The following KCNH7 variants were observed in gnomAD, a reference collection of about 807,000 sequenced individuals.
KCNH7 encodes potassium voltage-gated channel subfamily H member 7.
Under a neutral mutation model 120.8 loss-of-function variants are expected in KCNH7, and 49 were observed. That is an observed-to-expected ratio of 0.41 (90% CI 0.32 to 0.51). The LOEUF (loss-of-function observed/expected upper bound fraction) is 0.51. KCNH7 is among the 20% of genes least tolerant of loss of function. The pLI, the probability that KCNH7 is intolerant of heterozygous loss-of-function variation, is 0.38. For missense variants in KCNH7, 1,097 were observed against 1,446.6 expected (o/e 0.76, Z 3.92); for synonymous variants, 547 against 516.1 (o/e 1.06, Z -0.81).
chr2:162,707,080 C>T (rs1686733159), intron 2 of KCNH7, among the ~76,000 whole-genome samples: 1 of 152,064 alleles, frequency 6.6e-6, no homozygotes, highest in Non-Finnish European at 1.5e-5. Flanking sequence ...AGAGATTTTA[C>T]ATTCAAAGAA....
intron 2 of KCNH7, among the ~76,000 whole-genome samples, chr2:162,578,508 A>T (rs766878241): frequency 6.6e-6 from 1 of 151,964 alleles, no homozygotes; most frequent in Non-Finnish European, 1.5e-5. Flanking sequence ...TCACTGTTCT[A>T]TGAAGGTCAG....
At chr2:162,508,342 C>G (rs1344994986) in intron 5 of KCNH7, among the ~76,000 whole-genome samples, 2 of 150,106 alleles carry the variant, frequency 1.3e-5, no homozygotes, top group Admixed American at 1.3e-4. Flanking sequence ...TTTTTTGGCT[C>G]TTAGTCTTAA....
intron 6 of KCNH7, among the ~76,000 whole-genome samples, chr2:162,489,422 A>G (rs925409037): frequency 1.3e-5 from 2 of 152,168 alleles, no homozygotes; most frequent in African/African-American, 4.8e-5. Context: ...AAAGTTTACA[A>G]ATTTGTCTGG....
chr2:162,377,606 T>A (rs559896217), intron 14 of KCNH7, among the ~76,000 whole-genome samples: 108 of 152,266 alleles, frequency 7.1e-4, no homozygotes, highest in African/African-American at 2.5e-3. Flanking sequence ...GTATGTTTTG[T>A]GTTAGGTTAC....
Position 162,386,578 on chromosome 2 carries a change from G to C in KCNH7, c.2711-1639C>G, listed in dbSNP as rs945248685. Among the ~76,000 whole-genome samples, 9 of 151,734 alleles carry C rather than the reference G, an allele frequency of 5.9e-5. No individual in the cohort carries two copies. The South Asian group carries it at 1.2e-3, about 21-fold the overall frequency. ...TTGGGAACCAGAGATATTTGAATCA[G>C]CTCAGGCCTCCTATTTTCTCGAAAA... is the stretch of plus-strand genomic sequence containing the variant. On this transcript the variant is annotated intron_variant, in intron 12 of 15. Transcript: ENST00000332142.
chr2:162,385,070 C>T, intron 12 of KCNH7, 131 bp from the exon 13 acceptor site: 1 of 616,382 alleles, frequency 1.6e-6, no homozygotes, highest in South Asian at 2.7e-5. Flanking sequence ...TACTTGGGTA[C>T]TCAATTTTTT....
chr2:162,722,809 T>TTTTC (rs1687366815), intron 2 of KCNH7, among the ~76,000 whole-genome samples: 1 of 142,502 alleles, frequency 7.0e-6, no homozygotes, highest in African/African-American at 2.8e-5. Flanking sequence ...TTCATTCTTT[T>TTTTC]TTTCTTTTTT....
intron 2 of KCNH7, among the ~76,000 whole-genome samples, chr2:162,798,601 A>G (rs573252302): frequency 7.9e-5 from 12 of 152,188 alleles, no homozygotes; most frequent in Middle Eastern, 6.8e-3. Context: ...TCAAATCAAT[A>G]TAGTCAGCAA....
intron 2 of KCNH7, among the ~76,000 whole-genome samples, chr2:162,714,423 T>C (rs1430987181): frequency 6.6e-6 from 1 of 152,166 alleles, no homozygotes; most frequent in Non-Finnish European, 1.5e-5. Context: ...AGGTATGTAT[T>C]AAGCTGACAA....
chr2:162,616,593 ACACT>A (rs1276236210), intron 2 of KCNH7, among the ~76,000 whole-genome samples: 2 of 152,168 alleles, frequency 1.3e-5, no homozygotes, highest in African/African-American at 4.8e-5. Context: ...CAACTGTCCT[ACACT>A]CTTTGTCCTT....
In KCNH7 at chr2:162,379,906, G is replaced by A. The variant is rs746398051; in HGVS notation, c.3078C>T (p.Leu1026=). ...ATCTTTGTTCCACTTCCCCGTAGGT[G>A]AGGTCGCTTTCGGTTTCAGAGATAC... The part of the protein sequence containing the change: ...AWGISETESD[L]TYGEVEQRLD... Residue 1026 remains leucine, a synonymous_variant, in exon 14 of 16, where the codon CTC becomes CTT. Transcript: ENST00000332142. The A allele has an allele frequency of 5.5e-5, 89 of 1,613,888 alleles. No homozygotes were observed. Among genetic ancestry groups the A allele is most frequent in the Non-Finnish European group, 7.3e-5 (86 of 1,179,938 alleles).
chr2:162,450,850 G>A (rs549508988), intron 6 of KCNH7, among the ~76,000 whole-genome samples: 1 of 151,984 alleles, frequency 6.6e-6, no homozygotes, highest in African/African-American at 2.4e-5. Context: ...ACTTTGGTAT[G>A]CCAGGAGGGA....
chr2:162,622,455 G>A (rs1354857740), intron 2 of KCNH7, among the ~76,000 whole-genome samples: 1 of 152,162 alleles, frequency 6.6e-6, no homozygotes, highest in East Asian at 1.9e-4. Context: ...GGTCCTTCAA[G>A]GCTGGCAGTG....
intron 2 of KCNH7, among the ~76,000 whole-genome samples, chr2:162,571,760 A>T (rs1693485217): frequency 7.2e-6 from 1 of 138,408 alleles, no homozygotes. Flanking sequence ...CAACTATCTG[A>T]TCTTTGACAA....
chr2:162,620,966 C>T (rs1488462990), intron 2 of KCNH7, among the ~76,000 whole-genome samples: 1 of 152,076 alleles, frequency 6.6e-6, no homozygotes, highest in African/African-American at 2.4e-5. Flanking sequence ...GCTGGGACTG[C>T]CCCAGTAAAT....
At chr2:162,727,838 A>G (rs565929539) in intron 2 of KCNH7, among the ~76,000 whole-genome samples, 20 of 152,280 alleles carry the variant, frequency 1.3e-4, no homozygotes, top group Admixed American at 1.2e-3. Flanking sequence ...CTATTTCCAA[A>G]TATCAGTTGA....
intron 2 of KCNH7, among the ~76,000 whole-genome samples, chr2:162,722,533 T>C (rs143099226): frequency 6.4e-4 from 98 of 152,212 alleles, no homozygotes; most frequent in African/African-American, 2.3e-3. Context: ...TTTCAGAATT[T>C]TTCATCTGCC....
intron 9 of KCNH7, among the ~76,000 whole-genome samples, chr2:162,402,096 A>G (rs1483612556): frequency 1.3e-5 from 2 of 151,240 alleles, no homozygotes; most frequent in East Asian, 4.0e-4. Flanking sequence ...CCTTAACTGT[A>G]ACTGTTGGGC....
At chr2:162,773,447 C>A (rs764235735) in intron 2 of KCNH7, among the ~76,000 whole-genome samples, 6 of 152,142 alleles carry the variant, frequency 3.9e-5, no homozygotes, top group African/African-American at 4.8e-5. Context: ...GAGATCACGC[C>A]GCTGCACTCC....
Sources: allele counts gnomAD v4.1 joint callset (sites outside exome capture counted in the v4.1 genomes callset), GRCh38; gene constraint gnomAD v4.1.1; transcripts MANE v1.5; gene names NCBI Gene and HGNC (gene_info 2026-07-23, HGNC 2026-07-21).